TAT: variants seen among roughly 807,000 people sequenced by gnomAD.
TAT encodes tyrosine aminotransferase.
Under a neutral mutation model 53.6 loss-of-function variants are expected in TAT, and 35 were observed. That is an observed-to-expected ratio of 0.65 (90% CI 0.50 to 0.87). The LOEUF is 0.87. Among genes scored for constraint, TAT ranks in the 40% least tolerant of loss-of-function variants. TAT has a pLI of 0.00. For synonymous variants in TAT, 197 were observed against 206.5 expected, an observed-to-expected ratio of 0.95 and a Z score of 0.39; for missense variants, 525 against 571.8, an observed-to-expected ratio of 0.92 and a Z score of 0.83.
chr16:71,570,910 T>C, intron 7 of TAT, 79 bp from the exon 8 acceptor site: 1 of 1,537,120 alleles, frequency 6.5e-7, no homozygotes, highest in Non-Finnish European at 8.8e-7. Context: ...CCCACCCATT[T>C]CCTTCTATCA....
rs774733001 is a variant in TAT, at chr16:71,576,393, A to G, written c.23T>C (p.Met8Thr). MDPYMIQMSSKGNLPSIL... is the reference protein window; with the variant it reads MDPYMIQTSSKGNLPSIL... ...TGAGGGGAGGTTGCCTTTGCTGCTC[A>G]TCTGAATCATGTATGGGTCCATCAC... Residue 8 changes from methionine (M) to threonine (T), a missense_variant, in exon 2 of 12, where the codon ATG becomes ACG. Transcript: ENST00000355962. 6.2e-7 allele frequency: 1 copy of G among 1,614,170 alleles called. No homozygotes were observed. Among genetic ancestry groups the G allele is most frequent in the South Asian group, 1.1e-5 (1 of 91,080 alleles).
chr16:71,567,958 T>C lies in TAT; in HGVS notation c.*186A>G. Reference sequence around the variant, plus strand: ...GCGCAGAGCAAGGGAGAATCTGCGATGTGAATGAGGAGGATCTGAGTGTGG... The same window carrying C: ...GCGCAGAGCAAGGGAGAATCTGCGACGTGAATGAGGAGGATCTGAGTGTGG... On this transcript the variant is annotated 3_prime_UTR_variant, in exon 12 of 12. Coordinates refer to ENST00000355962, the MANE Select transcript of TAT (RefSeq NM_000353.3). The C allele has an allele frequency of 4.5e-6, 3 of 662,744 alleles. No homozygotes were observed. The highest frequency in any genetic ancestry group is 8.0e-6 in the Non-Finnish European group (3 of 373,218). The allele number at this position is 662,744 out of a possible 1,614,324, so 41.1% of individuals were successfully genotyped here.
chr16:71,569,349 T>C (rs2044184478), intron 10 of TAT, among the ~76,000 whole-genome samples: 1 of 151,264 alleles, frequency 6.6e-6, no homozygotes, highest in East Asian at 1.9e-4. Flanking sequence ...TTTTTTTTTT[T>C]CTTTTCGGAT....
intron 10 of TAT, among the ~76,000 whole-genome samples, chr16:71,569,632 T>G (rs1447685638): frequency 6.6e-6 from 1 of 152,250 alleles, no homozygotes; most frequent in African/African-American, 2.4e-5. Context: ...TGAGCCACCA[T>G]GCCCTGCCTA....
rs1162104910 is a variant in TAT at position 71,568,873 on chromosome 16, C to T, written c.1126-64G>A. The T allele has an allele frequency of 2.5e-6, 3 of 1,219,078 alleles. No homozygotes were observed. In the African/African-American group the frequency reaches 4.5e-5, roughly 18 times the overall value. 75.5% of individuals were successfully genotyped at this position (1,219,078 alleles called of 1,614,324 possible). A position where few individuals can be genotyped will look rare whatever the true frequency, so the allele number is the denominator to read the frequency against. On this transcript the variant is annotated intron_variant, in intron 10 of 11. Transcript: ENST00000355962. The stretch of plus-strand genomic sequence containing the variant: ...AGGGAGAACAGGCCAATTTCCTGTG[C>T]CAGAAATTAAGGTAGGGGCTACTTT...
intron 7 of TAT, 109 bp downstream of exon 7, chr16:71,571,497 T>C: frequency 9.7e-7 from 1 of 1,025,672 alleles, no homozygotes; most frequent in Non-Finnish European, 1.5e-6. Context: ...GCAGGGATGC[T>C]GATTTGCTGT....
Position 71,568,107 on chromosome 16 carries a change from C to T in TAT, c.*37G>A. On this transcript the variant is annotated 3_prime_UTR_variant, in exon 12 of 12. Transcript: ENST00000355962. ...GCCGCAAGGCCTAGTCCAGCCTTCCCTAGATGGGACACATCCTCAGGAGAA... is the reference window on the plus strand; with the variant it reads ...GCCGCAAGGCCTAGTCCAGCCTTCCTTAGATGGGACACATCCTCAGGAGAA... 1 of 1,614,028 alleles carries T rather than the reference C, an allele frequency of 6.2e-7. No individual in the cohort carries two copies. The highest frequency in any genetic ancestry group is 1.7e-5 in the Admixed American group (1 of 60,024).
At chr16:71,568,337 C>T in intron 11 of TAT, 53 bp from the exon 12 acceptor site, 1 of 1,599,186 alleles carries the variant, frequency 6.3e-7, no homozygotes, top group Non-Finnish European at 8.6e-7. Flanking sequence ...GGTACTGGAC[C>T]ACCCTAAAAT....
intron 11 of TAT, 188 bp from the exon 12 acceptor site, chr16:71,568,472 G>A: frequency 1.4e-6 from 1 of 690,050 alleles, no homozygotes; most frequent in South Asian, 1.8e-5. Flanking sequence ...TTGTGGGACA[G>A]GATCAATTTC....
Position 71,570,404 on chromosome 16 carries a change from GACACCCACAAGAA to G in TAT, c.913-20_913-8del. On this transcript the variant is annotated splice_region_variant and splice_polypyrimidine_tract_variant and intron_variant, in intron 8 of 11. Transcript: ENST00000355962. Reference sequence around the variant, plus strand: ...TCACCAGCCCATCTCGGATCTAAAAGACACCCACAAGAAACATGTTGTTTAGCTTTTCTTAAGC... The same window carrying G: ...TCACCAGCCCATCTCGGATCTAAAAGACATGTTGTTTAGCTTTTCTTAAGC... The G allele has an allele frequency of 6.2e-7, 1 of 1,614,114 alleles. No homozygotes were observed.
chr16:71,570,015 C>G, intron 9 of TAT, 78 bp from the exon 10 acceptor site: 1 of 1,410,948 alleles, frequency 7.1e-7, no homozygotes, highest in East Asian at 2.5e-5. Context: ...ATAGCCCCCT[C>G]ATTGAAGAGT....
intron 1 of TAT, among the ~76,000 whole-genome samples, chr16:71,576,641 A>G (rs956309538): frequency 6.6e-6 from 1 of 152,206 alleles, no homozygotes; most frequent in African/African-American, 2.4e-5. Flanking sequence ...GCAAGAACCC[A>G]TTCTACTTAA....
rs1399538276 is a variant in TAT, at chr16:71,570,781, G to A, written c.810C>T (p.Val270=). The part of the protein sequence containing the change: ...YEPLATLSTD[V]PILSCGGLAK... ...CCAGCCCTCCACAGGACAGGATGGGGACATCGGTGCTGAGGGTGGCCAGTG... is the reference window on the plus strand; with the variant it reads ...CCAGCCCTCCACAGGACAGGATGGGAACATCGGTGCTGAGGGTGGCCAGTG... The change falls in exon 8 of 12, where the codon GTC becomes GTT. Residue 270 remains valine (V), a synonymous_variant. Transcript: ENST00000355962. The A allele has an allele frequency of 6.2e-7, 1 of 1,614,066 alleles. No homozygotes were observed. The highest frequency in any genetic ancestry group is 1.7e-5 in the Admixed American group (1 of 60,008).
At position 71,566,932 on chromosome 16, in the gene TAT, A is replaced by G. The variant is rs574524100; in HGVS notation, c.*1212T>C. 1.2e-4 allele frequency: 18 copies of G among 152,064 alleles called. No homozygotes were observed. Among genetic ancestry groups the G allele is most frequent in the Admixed American group, 9.8e-4 (15 of 15,282 alleles). The allele number at this position is 152,064 out of a possible 1,614,324, so 9.4% of individuals were successfully genotyped here. A position where few individuals can be genotyped will look rare whatever the true frequency, so the allele number is the denominator to read the frequency against. On this transcript the variant is annotated 3_prime_UTR_variant, in exon 12 of 12. Transcript: ENST00000355962. ...AAAATAAAAGATCTTATCAATATAA[A>G]TGTTTCTTAGAAAATGTATGAAAAG...
chr16:71,570,131 G>T, intron 9 of TAT, 138 bp downstream of exon 9: 1 of 1,435,278 alleles, frequency 7.0e-7, no homozygotes, highest in Non-Finnish European at 9.6e-7. Context: ...TGAGAAACGT[G>T]TGTGTGGATG....
In TAT at chr16:71,570,361, A is replaced by G; in HGVS notation, c.949T>C (p.Leu317=). The part of the protein sequence containing the change: ...DGLVKLSQRI[L]GPCTIVQGAL... ...CCCTGGACAATGGTACAGGGTCCCA[A>G]AATGCGCTGACTCAGCTTCACCAGC... is the stretch of plus-strand genomic sequence containing the variant. The change falls in exon 9 of 12, where the codon TTG becomes CTG. Residue 317 remains leucine (L), a synonymous_variant. Coordinates refer to ENST00000355962, the MANE Select transcript of TAT (RefSeq NM_000353.3). 1 of 1,614,186 alleles carries G rather than the reference A, an allele frequency of 6.2e-7. No homozygotes were observed. The highest frequency in any genetic ancestry group is 8.5e-7 in the Non-Finnish European group (1 of 1,180,042).
chr16:71,575,341 C>T (rs947836309), intron 3 of TAT: 2 of 154,784 alleles, frequency 1.3e-5, no homozygotes, highest in Non-Finnish European at 2.9e-5. Context: ...TGGAGAGAAA[C>T]CTAAAAAGGA....
chr16:71,572,266 G>A lies in TAT; in HGVS notation c.626C>T (p.Thr209Ile). ...TGGATTATTGACAATGAGACAAGCT[G>A]TCTTTTCATCAATTAGATATTCCAG... is the stretch of plus-strand genomic sequence containing the variant. ...KQLEYLIDEK[T>I]ACLIVNNPSN... The change falls in exon 6 of 12, where the codon ACA becomes ATA. Residue 209 changes from threonine (T) to isoleucine (I), a missense_variant. Physicochemically the swap from Thr to Ile is moderately conservative, Grantham distance 89. Transcript: ENST00000355962. 1 of 1,614,182 alleles carries A rather than the reference G, an allele frequency of 6.2e-7. No individual in the cohort carries two copies.
In TAT at chr16:71,576,332, G is replaced by A. The variant is rs184872582; in HGVS notation, c.84C>T (p.Ser28=). ...TGCCTTTCATTTTTCCCGGCACAGAGCTTCTCCCACCAACGTTGACATGCA... is the reference window on the plus strand; with the variant it reads ...TGCCTTTCATTTTTCCCGGCACAGAACTTCTCCCACCAACGTTGACATGCA... ...LDVHVNVGGR[S]SVPGKMKGRK... The change falls in exon 2 of 12, where the codon AGC becomes AGT. Residue 28 remains serine, a synonymous_variant. Transcript: ENST00000355962. 4.3e-6 allele frequency: 7 copies of A among 1,614,188 alleles called. No homozygotes were observed. The East Asian group carries it at 8.9e-5, about 21-fold the overall frequency.
Sources: allele counts gnomAD v4.1 joint callset (sites outside exome capture counted in the v4.1 genomes callset), GRCh38; gene constraint gnomAD v4.1.1; transcripts MANE v1.5; gene names NCBI Gene and HGNC (gene_info 2026-07-23, HGNC 2026-07-21).